Variants in RBFOX1 observed in about 807,000 individuals in gnomAD.
RBFOX1 encodes RNA binding protein fox-1 homolog 1.
RBFOX1 carries 8 observed loss-of-function variants against 57.7 expected under a neutral mutation model. The observed-to-expected ratio is 0.14, with a 90% CI of 0.08 to 0.25. The LOEUF is 0.25. RBFOX1 is among the 10% of genes least tolerant of loss of function. The probability of loss-of-function intolerance (pLI) is 1.00; values close to 1 mark genes in which losing one functional copy is unlikely to be tolerated. For missense variants in RBFOX1, 611 were observed against 548.5 expected (o/e 1.11, Z -1.14); for synonymous variants, 326 against 222.4 (o/e 1.47, Z -4.15).
intron 2 of RBFOX1, among the ~76,000 whole-genome samples, chr16:5,553,738 T>C (rs1360759800): frequency 8.2e-6 from 1 of 121,476 alleles, no homozygotes; most frequent in Non-Finnish European, 1.8e-5. Context: ...TATGTATATA[T>C]ATGTGTGTAT....
intron 1 of RBFOX1, among the ~76,000 whole-genome samples, chr16:6,053,791 C>G (rs1346559555): frequency 6.6e-6 from 1 of 152,082 alleles, no homozygotes; most frequent in African/African-American, 2.4e-5. Flanking sequence ...AGTGGCCTGC[C>G]CCATACCTAT....
intron 2 of RBFOX1, among the ~76,000 whole-genome samples, chr16:6,607,097 C>T (rs1362245830): frequency 6.6e-6 from 1 of 152,164 alleles, no homozygotes. Context: ...CCTTCCAAAC[C>T]TACTGACTAA....
chr16:6,912,672 G>A (rs2071981054), intron 3 of RBFOX1, among the ~76,000 whole-genome samples: 1 of 150,984 alleles, frequency 6.6e-6, no homozygotes, highest in Non-Finnish European at 1.5e-5. Context: ...CTGGAGTACA[G>A]TGGCATGATC....
chr16:5,715,067 C>G (rs753305436), intron 3 of RBFOX1, among the ~76,000 whole-genome samples: 2 of 152,204 alleles, frequency 1.3e-5, no homozygotes, highest in Admixed American at 1.3e-4. Flanking sequence ...CTTCTCCAGT[C>G]TTTTGTTGAC....
At chr16:6,513,802 G>T (rs188368264) in intron 2 of RBFOX1, among the ~76,000 whole-genome samples, 1 of 152,240 alleles carries the variant, frequency 6.6e-6, no homozygotes. Context: ...TGTTTCTGTG[G>T]CCACTGCAGA....
intron 1 of RBFOX1, among the ~76,000 whole-genome samples, chr16:5,459,608 C>G (rs2068730950): frequency 6.6e-6 from 1 of 152,000 alleles, no homozygotes; most frequent in Admixed American, 6.6e-5. Flanking sequence ...TTTTTCCTTC[C>G]CCCACAAATC....
intron 4 of RBFOX1, among the ~76,000 whole-genome samples, chr16:7,443,663 G>T (rs1208058747): frequency 6.6e-6 from 1 of 152,140 alleles, no homozygotes; most frequent in African/African-American, 2.4e-5. Flanking sequence ...TATGTCTGTA[G>T]ATGTAGACTT....
At chr16:6,661,324 A>C (rs1338364021) in intron 3 of RBFOX1, among the ~76,000 whole-genome samples, 1 of 152,194 alleles carries the variant, frequency 6.6e-6, no homozygotes, top group African/African-American at 2.4e-5. Context: ...CCCTCCTGGC[A>C]GAGGGAACAG....
chr16:5,942,090 G>T (rs912767514), intron 4 of RBFOX1, among the ~76,000 whole-genome samples: 4 of 152,102 alleles, frequency 2.6e-5, no homozygotes, highest in Admixed American at 1.3e-4. Context: ...TAACCACCCA[G>T]TGGGTTCTTC....
intron 4 of RBFOX1, among the ~76,000 whole-genome samples, chr16:7,384,852 A>G (rs2097850545): frequency 6.6e-6 from 1 of 152,194 alleles, no homozygotes; most frequent in African/African-American, 2.4e-5. Context: ...TCTAGTTGAA[A>G]GGAGGCAAAC....
chr16:6,793,226 A>G (rs2083313901), intron 3 of RBFOX1, among the ~76,000 whole-genome samples: 1 of 152,166 alleles, frequency 6.6e-6, no homozygotes, highest in Non-Finnish European at 1.5e-5. Context: ...ACTGTTTGTT[A>G]ATTTTAAGAA....
At chr16:7,142,754 A>T (rs976616683) in intron 4 of RBFOX1, among the ~76,000 whole-genome samples, 1 of 152,182 alleles carries the variant, frequency 6.6e-6, no homozygotes, top group East Asian at 1.9e-4. Context: ...ACTGTTTTGT[A>T]TATGACATTC....
intron 1 of RBFOX1, chr16:5,366,065 C>T (rs565735970): frequency 2.1e-6 from 1 of 473,396 alleles, no homozygotes; most frequent in East Asian, 5.4e-5. Flanking sequence ...TCCCTTGGGG[C>T]TTTGAAATCA....
chr16:6,533,564 G>A (rs1054803692), intron 2 of RBFOX1, among the ~76,000 whole-genome samples: 2 of 151,954 alleles, frequency 1.3e-5, no homozygotes, highest in African/African-American at 4.8e-5. Flanking sequence ...AAGACATATG[G>A]TAACATACAG....
At chr16:7,116,826 G>A (rs964183986) in intron 4 of RBFOX1, among the ~76,000 whole-genome samples, 1 of 152,250 alleles carries the variant, frequency 6.6e-6, no homozygotes, top group East Asian at 1.9e-4. Context: ...GCACACACAG[G>A]ACACAGACCA....
chr16:7,350,636 G>T (rs948840841), intron 4 of RBFOX1, among the ~76,000 whole-genome samples: 4 of 152,178 alleles, frequency 2.6e-5, no homozygotes, highest in Non-Finnish European at 4.4e-5. Context: ...CATGGTACTG[G>T]TGAAGACGAC....
At position 7,013,659 on chromosome 16, in the gene RBFOX1, T is replaced by G. The variant is rs1333377798; in HGVS notation, c.-15-38398T>G. On this transcript the variant is annotated intron_variant, in intron 3 of 15. Transcript: ENST00000550418. ...GGGAGGATGCCATTAACAAATTATATAAAGTCTGTTTTTTAAGAGAGACTG... is the reference window on the plus strand; with the variant it reads ...GGGAGGATGCCATTAACAAATTATAGAAAGTCTGTTTTTTAAGAGAGACTG... 3.3e-5 allele frequency among the ~76,000 whole-genome samples: 5 copies of G among 152,284 alleles called. No homozygotes were observed. In the East Asian group the frequency reaches 7.7e-4, roughly 24 times the overall value.
intron 4 of RBFOX1, among the ~76,000 whole-genome samples, chr16:7,052,462 G>C (rs1440793441): frequency 2.6e-4 from 40 of 152,202 alleles, no homozygotes; most frequent in Admixed American, 2.6e-3. Context: ...GCTGTTTGCT[G>C]AGTGGCTAAA....
At chr16:6,856,402 A>G (rs770171837) in intron 3 of RBFOX1, among the ~76,000 whole-genome samples, 1 of 152,142 alleles carries the variant, frequency 6.6e-6, no homozygotes, top group African/African-American at 2.4e-5. Context: ...GTTTGAGGCT[A>G]GGATTTAGGT....
Sources: allele counts gnomAD v4.1 joint callset (sites outside exome capture counted in the v4.1 genomes callset), GRCh38; gene constraint gnomAD v4.1.1; transcripts MANE v1.5; gene names NCBI Gene and HGNC (gene_info 2026-07-23, HGNC 2026-07-21).